GNAI1: variants seen among roughly 807,000 people sequenced by gnomAD.
GNAI1 encodes guanine nucleotide-binding protein G(i) subunit alpha-1.
A neutral mutation model predicts 38.9 loss-of-function variants in GNAI1; 11 were observed. That is an observed-to-expected ratio of 0.28 (90% CI 0.18 to 0.47). GNAI1 has a LOEUF of 0.47. Ranked by LOEUF, GNAI1 falls within the 20% of genes least tolerant of loss-of-function variation. The probability of loss-of-function intolerance (pLI) is 0.99; values close to 1 mark genes in which losing one functional copy is unlikely to be tolerated. For missense variants in GNAI1, 317 were observed against 436.9 expected (o/e 0.73, Z 2.45); for synonymous variants, 166 against 145.1 (o/e 1.14, Z -1.04).
chr7:80,202,324 G>A (rs762564879), intron 4 of GNAI1, among the ~76,000 whole-genome samples: 17 of 152,110 alleles, frequency 1.1e-4, no homozygotes, highest in Non-Finnish European at 1.9e-4. Context: ...GCCTGACCTC[G>A]TGATCCGCCC....
At chr7:80,163,979 T>G (rs1004326906) in intron 1 of GNAI1, among the ~76,000 whole-genome samples, 11 of 151,468 alleles carry the variant, frequency 7.3e-5, no homozygotes, top group African/African-American at 2.7e-4. Context: ...TTTTTTTTTT[T>G]TTTGGTGGGG....
rs1170970493 is a variant in GNAI1 at position 80,222,926 on chromosome 7, T to C, written c.*5433T>C. Among the ~76,000 whole-genome samples, 1 of 152,158 alleles carries C rather than the reference T, an allele frequency of 6.6e-6. No individual in the cohort carries two copies. The highest frequency in any genetic ancestry group is 1.5e-5 in the Non-Finnish European group (1 of 68,030). On this transcript the variant is annotated 3_prime_UTR_variant, in exon 8 of 8. Transcript: ENST00000649796. ...CTAACCTACCAAATGTAGCTTAGCC[T>C]GGCCTAACTTAAAGGTGCTCAGAAC...
chr7:80,150,164 G>T (rs866098981), intron 1 of GNAI1, among the ~76,000 whole-genome samples: 1 of 152,084 alleles, frequency 6.6e-6, no homozygotes, highest in Non-Finnish European at 1.5e-5. Flanking sequence ...CCTTTGAATC[G>T]ATAATCCCAT....
chr7:80,152,558 C>CT (rs35141470), intron 1 of GNAI1, among the ~76,000 whole-genome samples: 13,272 of 103,052 alleles, frequency 0.13, 1,088 homozygotes, highest in African/African-American at 0.18. Context: ...GGTCTCAATT[C>CT]TTTTTTTTTT....
In GNAI1 at chr7:80,222,371, C is replaced by G. The variant is rs1222901270; in HGVS notation, c.*4878C>G. On this transcript the variant is annotated 3_prime_UTR_variant, in exon 8 of 8. Transcript: ENST00000649796. ...AACACTGTCATTGAAGGAGCTAGTT[C>G]TTCAAATTTAATTTTTTTTTTTTTT... is the stretch of plus-strand genomic sequence containing the variant. Among the ~76,000 whole-genome samples the G allele has an allele frequency of 7.4e-6, 1 of 135,356 alleles. No individual in the cohort carries two copies. The highest frequency in any genetic ancestry group is 2.2e-4 in the East Asian group (1 of 4,528). 88.8% of individuals were successfully genotyped at this position (135,356 alleles called of 152,430 possible).
At chr7:80,188,874 GTGTT>G (rs1199012360) in intron 1 of GNAI1, 73 bp from the exon 2 acceptor site, 4 of 835,628 alleles carry the variant, frequency 4.8e-6, no homozygotes, top group Admixed American at 1.9e-5. Context: ...GTGTGTGTGT[GTGTT>G]TGTGTGTTGG....
At chr7:80,193,694 A>G (rs1332840007) in intron 3 of GNAI1, among the ~76,000 whole-genome samples, 1 of 152,158 alleles carries the variant, frequency 6.6e-6, no homozygotes, top group Non-Finnish European at 1.5e-5. Flanking sequence ...CAAAATGGAT[A>G]TAGAAATTAA....
intron 3 of GNAI1, among the ~76,000 whole-genome samples, chr7:80,197,127 G>T (rs1788591551): frequency 6.8e-6 from 1 of 147,448 alleles, no homozygotes. Context: ...CATAACTACT[G>T]GTTTGTTCTC....
intron 5 of GNAI1, among the ~76,000 whole-genome samples, chr7:80,205,161 A>G (rs1246270564): frequency 6.6e-6 from 1 of 152,200 alleles, no homozygotes; most frequent in Non-Finnish European, 1.5e-5. Context: ...TTATATGAAT[A>G]TAATAGAGTC....
chr7:80,214,336 T>A (rs912189923), intron 7 of GNAI1, among the ~76,000 whole-genome samples: 1 of 152,160 alleles, frequency 6.6e-6, no homozygotes, highest in African/African-American at 2.4e-5. Flanking sequence ...AATTTTTCCC[T>A]TATTTGAATA....
intron 1 of GNAI1, among the ~76,000 whole-genome samples, chr7:80,186,139 T>A (rs543172043): frequency 4.0e-4 from 60 of 148,896 alleles, no homozygotes; most frequent in African/African-American, 1.4e-3. Flanking sequence ...TTCAAGCAGC[T>A]CTTCTGCCTC....
chr7:80,157,835 T>A (rs528334829), intron 1 of GNAI1, among the ~76,000 whole-genome samples: 1 of 152,246 alleles, frequency 6.6e-6, no homozygotes, highest in Non-Finnish European at 1.5e-5. Context: ...GGCTCCCAGG[T>A]AGCTGGGATT....
Position 80,217,697 on chromosome 7 carries a change from A to G in GNAI1, c.*204A>G. 1 of 362,018 alleles carries G rather than the reference A, an allele frequency of 2.8e-6. No individual in the cohort carries two copies. The highest frequency in any genetic ancestry group is 5.0e-6 in the Non-Finnish European group (1 of 201,636). 22.4% of individuals were successfully genotyped at this position (362,018 alleles called of 1,614,324 possible). ...ATGTGACAGATGGTCCTGCAGTGTG[A>G]AACTGAAGGACAGTGTTAAAGCTGG... On this transcript the variant is annotated 3_prime_UTR_variant, in exon 8 of 8. Transcript: ENST00000649796.
chr7:80,151,333 A>G (rs1000725741), intron 1 of GNAI1, among the ~76,000 whole-genome samples: 1 of 152,160 alleles, frequency 6.6e-6, no homozygotes, highest in African/African-American at 2.4e-5. Context: ...AATCACTTCA[A>G]TATACAAAAC....
In GNAI1 at chr7:80,199,246, G is replaced by C; in HGVS notation, c.325G>C (p.Val109Leu). Residue 109 changes from valine to leucine, a missense_variant, in exon 4 of 8, where the codon GTG (valine) becomes CTG (leucine). Transcript: ENST00000649796. Reference protein sequence around the residue: ...ARADDARQLFVLAGAAEEGFM... With the variant: ...ARADDARQLFLLAGAAEEGFM... ...TCAGGATGATGCACGCCAACTCTTT[G>C]TGCTAGCTGGAGCTGCTGAAGAAGG... 6.2e-7 allele frequency: 1 copy of C among 1,611,928 alleles called. No individual in the cohort carries two copies. Among genetic ancestry groups the C allele is most frequent in the Non-Finnish European group, 8.5e-7 (1 of 1,179,060 alleles).
chr7:80,214,217 T>G (rs1387508708), intron 7 of GNAI1, among the ~76,000 whole-genome samples: 3 of 152,228 alleles, frequency 2.0e-5, no homozygotes, highest in Non-Finnish European at 4.4e-5. Flanking sequence ...ACACATTTAC[T>G]TACTTTAAAA....
chr7:80,199,208 G>T lies in GNAI1; in HGVS notation c.304-17G>T. The T allele has an allele frequency of 6.4e-7, 1 of 1,560,878 alleles. No homozygotes were observed. The highest frequency in any genetic ancestry group is 8.7e-7 in the Non-Finnish European group (1 of 1,147,630). On this transcript the variant is annotated splice_polypyrimidine_tract_variant and intron_variant, in intron 3 of 7. Coordinates refer to ENST00000649796, the MANE Select transcript of GNAI1 (RefSeq NM_002069.6). Reference sequence around the variant, plus strand: ...ACGTATCCCTTTTTACTTAAAAAATGTCCTTTGAATGTTCAGGATGATGCA... The same window carrying T: ...ACGTATCCCTTTTTACTTAAAAAATTTCCTTTGAATGTTCAGGATGATGCA...
Position 80,224,824 on chromosome 7 carries a change from A to C in GNAI1, c.*7331A>C, listed in dbSNP as rs1172074877. 2.6e-5 allele frequency among the ~76,000 whole-genome samples: 4 copies of C among 152,216 alleles called. No individual in the cohort carries two copies. The highest frequency in any genetic ancestry group is 7.2e-5 in the African/African-American group (3 of 41,460). ...TTCAGATACACAGAATTTAAAAATTACATGTTGAACTGATTTGTGATATAT... is the reference window on the plus strand; with the variant it reads ...TTCAGATACACAGAATTTAAAAATTCCATGTTGAACTGATTTGTGATATAT... On this transcript the variant is annotated 3_prime_UTR_variant, in exon 8 of 8. Coordinates refer to ENST00000649796, the MANE Select transcript of GNAI1 (RefSeq NM_002069.6).
At position 80,217,323 on chromosome 7, in the gene GNAI1, G is replaced by A. The variant is rs764841177; in HGVS notation, c.895G>A (p.Ala299Thr). Reference protein sequence around the residue: ...EYAGSNTYEEAAAYIQCQFED... With the variant: ...EYAGSNTYEETAAYIQCQFED... ...CTCAGGATCAAACACATATGAAGAGGCAGCTGCATATATTCAATGTCAGTT... is the reference window on the plus strand; with the variant it reads ...CTCAGGATCAAACACATATGAAGAGACAGCTGCATATATTCAATGTCAGTT... Residue 299 changes from alanine to threonine, a missense_variant, in exon 8 of 8, where the codon GCA (alanine) becomes ACA (threonine). Transcript: ENST00000649796. The A allele has an allele frequency of 6.3e-7, 1 of 1,579,030 alleles. No individual in the cohort carries two copies. Among genetic ancestry groups the A allele is most frequent in the Non-Finnish European group, 8.6e-7 (1 of 1,165,228 alleles).
Sources: gnomAD v4.1 joint callset for allele counts (sites outside exome capture counted in the v4.1 genomes callset) on GRCh38, gnomAD v4.1.1 for gene constraint, MANE v1.5 for transcripts, NCBI Gene and HGNC (gene_info 2026-07-23, HGNC 2026-07-21) for gene names.